BRCA1: variants seen among roughly 807,000 people sequenced by gnomAD.
The protein encoded by BRCA1 is BRCA1 DNA repair associated.
Under a neutral mutation model 173.7 loss-of-function variants are expected in BRCA1, and 140 were observed. The observed-to-expected ratio is 0.81, with a 90% CI of 0.70 to 0.93. The LOEUF (loss-of-function observed/expected upper bound fraction) is 0.93. Ranked by LOEUF, BRCA1 falls within the 40% of genes least tolerant of loss-of-function variation. The probability of loss-of-function intolerance (pLI) is 0.00; values close to 1 mark genes in which losing one functional copy is unlikely to be tolerated. For synonymous variants in BRCA1, 662 were observed against 756.0 expected, an observed-to-expected ratio of 0.88 and a Z score of 2.04; for missense variants, 1,983 against 2,172.5, an observed-to-expected ratio of 0.91 and a Z score of 1.73.
rs1452076110 is a variant in BRCA1, at chr17:43,100,668, AT to A, written c.442-789del. Among the ~76,000 whole-genome samples the A allele has an allele frequency of 1.4e-3, 33 of 24,408 alleles. 2 individuals are homozygous for A. Among genetic ancestry groups the A allele is most frequent in the African/African-American group, 3.3e-3 (25 of 7,604 alleles). 16.0% of individuals were successfully genotyped at this position (24,408 alleles called of 152,430 possible). On this transcript the variant is annotated intron_variant, in intron 6 of 22. Transcript: ENST00000357654. ...TAACATATATATAACATATATATAT[AT>A]ATATATATAATATATATATATATAT...
At chr17:43,049,302 G>A (rs2051105732) in intron 20 of BRCA1, 108 bp from the exon 21 acceptor site, 2 of 965,376 alleles carry the variant, frequency 2.1e-6, no homozygotes, top group African/African-American at 3.2e-5. Context: ...CCTCTCAATG[G>A]GAGAGTCTGT....
At chr17:43,084,544 G>T (rs2053155238) in intron 11 of BRCA1, among the ~76,000 whole-genome samples, 1 of 152,196 alleles carries the variant, frequency 6.6e-6, no homozygotes, top group African/African-American at 2.4e-5. Context: ...GAGTAGGGCA[G>T]GAACACATTG....
At chr17:43,100,023 G>A (rs932813866) in intron 6 of BRCA1, 143 bp from the exon 7 acceptor site, 4 of 731,578 alleles carry the variant, frequency 5.5e-6, no homozygotes, top group Non-Finnish European at 9.8e-6. Flanking sequence ...AAAATGCCCA[G>A]GAATTTACAC....
At chr17:43,046,158 G>C (rs1308197447) in intron 22 of BRCA1, among the ~76,000 whole-genome samples, 1 of 151,068 alleles carries the variant, frequency 6.6e-6, no homozygotes, top group Non-Finnish European at 1.5e-5. Flanking sequence ...CCTGACCTCA[G>C]GTGATCCACC....
At chr17:43,066,128 G>A (rs988866392) in intron 16 of BRCA1, among the ~76,000 whole-genome samples, 4 of 152,004 alleles carry the variant, frequency 2.6e-5, no homozygotes, top group African/African-American at 4.8e-5. Context: ...GTGTTAATAC[G>A]GCCCAGTTTC....
At chr17:43,108,874 T>A (rs997252178) in intron 3 of BRCA1, among the ~76,000 whole-genome samples, 15 of 151,808 alleles carry the variant, frequency 9.9e-5, no homozygotes, top group Non-Finnish European at 1.0e-4. Context: ...ATGCCTGTAA[T>A]CCTGGCTACT....
chr17:43,128,023 CAAAAAAAAAAA>C (rs61243891), upstream of BRCA1, among the ~76,000 whole-genome samples: 156 of 24,994 alleles, frequency 6.2e-3, no homozygotes, highest in Admixed American at 0.027. Flanking sequence ...GACTCCATCT[CAAAAAAAAAAA>C]AAAAAAAAAA....
intron 20 of BRCA1, chr17:43,049,953 GGTTTCCAC>G: frequency 2.5e-6 from 1 of 397,394 alleles, no homozygotes; most frequent in Non-Finnish European, 4.4e-6. Context: ...TGGCAACCCT[GGTTTCCAC>G]TATACCAAAG....
intron 1 of BRCA1, chr17:43,138,601 G>A: frequency 1.3e-6 from 1 of 744,156 alleles, no homozygotes; most frequent in Non-Finnish European, 2.5e-6. Context: ...TGGATGTGGA[G>A]TTGTGCTGCA....
At chr17:43,146,234 G>A (rs2056120321) in intron 1 of BRCA1, among the ~76,000 whole-genome samples, 1 of 151,144 alleles carries the variant, frequency 6.6e-6, no homozygotes. Context: ...CAAATTTTAA[G>A]CTGGAAAGTC....
intron 7 of BRCA1, among the ~76,000 whole-genome samples, chr17:43,097,595 A>G (rs927458199): frequency 1.3e-5 from 2 of 152,204 alleles, no homozygotes; most frequent in Admixed American, 6.5e-5. Context: ...TTCTACTGAA[A>G]ACAAAAACAA....
In BRCA1 at chr17:43,079,400, C is replaced by T. The variant is rs374435098; in HGVS notation, c.4358-2786G>A. 3.8e-6 allele frequency: 6 copies of T among 1,595,750 alleles called. No homozygotes were observed. The highest frequency in any genetic ancestry group is 5.1e-6 in the Non-Finnish European group (6 of 1,177,406). On this transcript the variant is annotated intron_variant, in intron 12 of 22. Transcript: ENST00000357654. ...TTCCTTTGGCCATGTATATGCGAAT[C>T]TGTAAGAAAGGTGAAATTGTAGACA...
In BRCA1 at chr17:43,074,655, G is replaced by A. The variant is rs1213345369; in HGVS notation, c.4485-134C>T. On this transcript the variant is annotated intron_variant, in intron 13 of 22. Coordinates refer to ENST00000357654, the MANE Select transcript of BRCA1 (RefSeq NM_007294.4). ...AGAAATGACTGGCAAAAAAGAGCCC[G>A]CAAGACAGCCTAGAAGTCTGGATTC... 13 of 803,188 alleles carry A rather than the reference G, an allele frequency of 1.6e-5. No homozygotes were observed. Among genetic ancestry groups the A allele is most frequent in the South Asian group, 9.1e-5 (6 of 65,966 alleles). 49.8% of individuals were successfully genotyped at this position (803,188 alleles called of 1,614,324 possible). A position where few individuals can be genotyped will look rare whatever the true frequency, so the allele number is the denominator to read the frequency against.
intron 7 of BRCA1, 124 bp downstream of exon 7, chr17:43,099,651 C>T: frequency 1.3e-6 from 1 of 765,342 alleles, no homozygotes; most frequent in Non-Finnish European, 2.3e-6. Flanking sequence ...CCATAGGGCT[C>T]ATAAAATTCA....
intron 1 of BRCA1, among the ~76,000 whole-genome samples, chr17:43,134,320 C>G (rs574441344): frequency 6.6e-6 from 1 of 152,272 alleles, no homozygotes; most frequent in East Asian, 1.9e-4. Context: ...AAGAGGTAGA[C>G]AAGCCTGCAG....
At chr17:43,053,923 C>T (rs959926167) in intron 19 of BRCA1, among the ~76,000 whole-genome samples, 3 of 151,106 alleles carry the variant, frequency 2.0e-5, no homozygotes, top group Non-Finnish European at 2.9e-5. Flanking sequence ...GAGCCAAGAT[C>T]ACGCCATTGT....
chr17:43,100,914 T>C (rs1304513672), intron 6 of BRCA1, among the ~76,000 whole-genome samples: 1 of 150,360 alleles, frequency 6.7e-6, no homozygotes, highest in African/African-American at 2.4e-5. Context: ...GTATTTTTAG[T>C]AGAGACAGGT....
At chr17:43,135,550 C>T (rs115508979) in intron 1 of BRCA1, among the ~76,000 whole-genome samples, 3 of 152,212 alleles carry the variant, frequency 2.0e-5, no homozygotes, top group Non-Finnish European at 2.9e-5. Flanking sequence ...GGTCTCTGGC[C>T]GGGGCTGTAG....
Position 43,076,515 on chromosome 17 carries a change from C to T in BRCA1, c.4457G>A (p.Ser1486Asn), listed in dbSNP as rs577465138. Residue 1486 changes from serine to asparagine, a missense_variant, in exon 13 of 23, where the codon AGT (serine) becomes AAT (asparagine). Transcript: ENST00000357654. ...KFEVSADSSTSKNKEPGVERS... is the reference protein window; with the variant it reads ...KFEVSADSSTNKNKEPGVERS... ...TTCCACTCCTGGTTCTTTATTTTTA[C>T]TGGTAGAACTATCTGCAGACACCTC... 2 of 1,613,616 alleles carry T rather than the reference C, an allele frequency of 1.2e-6. No homozygotes were observed. Among genetic ancestry groups the T allele is most frequent in the Non-Finnish European group, 1.7e-6 (2 of 1,179,874 alleles).
Sources: gnomAD v4.1 joint callset for allele counts (sites outside exome capture counted in the v4.1 genomes callset) on GRCh38, gnomAD v4.1.1 for gene constraint, MANE v1.5 for transcripts, NCBI Gene and HGNC (gene_info 2026-07-23, HGNC 2026-07-21) for gene names.